FAM169A: variants seen among roughly 807,000 people sequenced by gnomAD.
FAM169A encodes family with sequence similarity 169 member A.
Under a neutral mutation model 75.7 loss-of-function variants are expected in FAM169A, and 24 were observed. The observed-to-expected ratio is 0.32, with a 90% CI of 0.23 to 0.45. The LOEUF is 0.45. Among genes scored for constraint, FAM169A ranks in the 20% least tolerant of loss-of-function variants. FAM169A has a pLI of 1.00. For missense variants in FAM169A, 673 were observed against 784.0 expected, an observed-to-expected ratio of 0.86 and a Z score of 1.69; for synonymous variants, 271 against 271.0, an observed-to-expected ratio of 1.00 and a Z score of 0.00.
At chr5:74,827,725 C>A (rs1266242031) in intron 5 of FAM169A, among the ~76,000 whole-genome samples, 1 of 149,156 alleles carries the variant, frequency 6.7e-6, no homozygotes, top group Non-Finnish European at 1.5e-5. Context: ...TGCAATGGTG[C>A]AATCTCGGTT....
chr5:74,818,930 C>A (rs1747629062), intron 5 of FAM169A, among the ~76,000 whole-genome samples: 1 of 151,862 alleles, frequency 6.6e-6, no homozygotes, highest in African/African-American at 2.4e-5. Flanking sequence ...TTAAAAATGA[C>A]AAACGATGGC....
At chr5:74,854,121 CA>C (rs1055980280) in intron 1 of FAM169A, among the ~76,000 whole-genome samples, 1 of 152,014 alleles carries the variant, frequency 6.6e-6, no homozygotes, top group African/African-American at 2.4e-5. Flanking sequence ...AGGTCAGGCG[CA>C]GTGGCTCACA....
chr5:74,803,024 TAATATGATAAA>T (rs1482473229), intron 8 of FAM169A, among the ~76,000 whole-genome samples: 1 of 152,164 alleles, frequency 6.6e-6, no homozygotes, highest in African/African-American at 2.4e-5. Flanking sequence ...ATAAATAGTT[TAATATGATAAA>T]CATTTCCTTC....
At chr5:74,783,171 G>A in intron 11 of FAM169A, 37 bp from the exon 12 acceptor site, 1 of 1,464,350 alleles carries the variant, frequency 6.8e-7, no homozygotes, top group East Asian at 2.3e-5. Flanking sequence ...GTAAGGACAT[G>A]ATTACAAACT....
chr5:74,845,459 A>G (rs1749105442), intron 1 of FAM169A, among the ~76,000 whole-genome samples: 1 of 152,140 alleles, frequency 6.6e-6, no homozygotes, highest in East Asian at 1.9e-4. Flanking sequence ...TGGAGGTTGC[A>G]GTGAGCCGAG....
intron 6 of FAM169A, among the ~76,000 whole-genome samples, chr5:74,808,093 C>T (rs924259306): frequency 6.6e-6 from 1 of 152,102 alleles, no homozygotes; most frequent in Non-Finnish European, 1.5e-5. Flanking sequence ...ACAGAATTAC[C>T]GTATGACCCA....
chr5:74,814,376 G>T (rs1747363981), intron 5 of FAM169A, among the ~76,000 whole-genome samples: 1 of 151,974 alleles, frequency 6.6e-6, no homozygotes, highest in South Asian at 2.1e-4. Flanking sequence ...TTTCAAATTT[G>T]AAGAGTATTT....
At chr5:74,811,812 A>G (rs1319718304) in intron 6 of FAM169A, among the ~76,000 whole-genome samples, 1 of 152,256 alleles carries the variant, frequency 6.6e-6, no homozygotes, top group African/African-American at 2.4e-5. Context: ...ATACGAATCC[A>G]TATGGATGAA....
At chr5:74,799,362 T>C in intron 10 of FAM169A, 3 of 1,611,524 alleles carry the variant, frequency 1.9e-6, no homozygotes, top group African/African-American at 2.7e-5. Flanking sequence ...TTTCAGTTTG[T>C]TACTTTGAGT....
intron 11 of FAM169A, among the ~76,000 whole-genome samples, chr5:74,791,895 A>G (rs1276532464): frequency 6.6e-6 from 1 of 152,270 alleles, no homozygotes; most frequent in Non-Finnish European, 1.5e-5. Flanking sequence ...TGCAGAAACC[A>G]GGACTGTAAT....
intron 11 of FAM169A, among the ~76,000 whole-genome samples, chr5:74,785,323 GA>G (rs962994826): frequency 2.6e-5 from 4 of 151,476 alleles, no homozygotes; most frequent in African/African-American, 9.7e-5. Flanking sequence ...CGTCTCAAAA[GA>G]AAAAAAAGAA....
intron 1 of FAM169A, among the ~76,000 whole-genome samples, chr5:74,856,814 A>G (rs551068171): frequency 6.6e-5 from 9 of 136,346 alleles, no homozygotes; most frequent in South Asian, 2.2e-4. Context: ...ACATTTTAAG[A>G]AAAAAAAAAA....
chr5:74,807,246 T>TA (rs1417248811), intron 6 of FAM169A, among the ~76,000 whole-genome samples: 2 of 152,158 alleles, frequency 1.3e-5, no homozygotes, highest in Non-Finnish European at 2.9e-5. Context: ...TCTGAACACT[T>TA]ACAGTTCAGA....
chr5:74,826,928 C>T (rs1314654914), intron 5 of FAM169A, among the ~76,000 whole-genome samples: 1 of 152,182 alleles, frequency 6.6e-6, no homozygotes, highest in African/African-American at 2.4e-5. Context: ...TCCTCCATCT[C>T]CCCTTGTCAC....
At chr5:74,789,480 T>C (rs913952933) in intron 11 of FAM169A, among the ~76,000 whole-genome samples, 1 of 152,224 alleles carries the variant, frequency 6.6e-6, no homozygotes, top group Non-Finnish European at 1.5e-5. Flanking sequence ...TTTGGTTGTG[T>C]TACTCCAGCC....
Position 74,841,616 on chromosome 5 carries a change from C to T in FAM169A, c.61G>A (p.Glu21Lys). 4 of 1,613,006 alleles carry T rather than the reference C, an allele frequency of 2.5e-6. 1 individual carries two copies. Among genetic ancestry groups the T allele is most frequent in the Middle Eastern group, 3.3e-4 (2 of 6,056 alleles). Residue 21 changes from glutamate to lysine, a missense_variant, in exon 2 of 13, where the codon GAA (glutamate) becomes AAA (lysine). Glu to Lys is a moderately conservative substitution (Grantham distance 56). This residue lies in a region of FAM169A where 56 missense variants were observed against 52.2 expected (regional missense o/e 1.07). Coordinates refer to ENST00000687041, the MANE Select transcript of FAM169A (RefSeq NM_001376049.1). ...CSHEELENSAEDYMSDLRCGD... is the reference protein window; with the variant it reads ...CSHEELENSAKDYMSDLRCGD... The stretch of plus-strand genomic sequence containing the variant: ...CACCTTAAATCTGACATGTAATCTT[C>T]AGCAGAATTTTCCAATTCCTCATGG...
intron 12 of FAM169A, 94 bp downstream of exon 12, chr5:74,782,836 TA>T: frequency 1.3e-6 from 1 of 783,894 alleles, no homozygotes; most frequent in Non-Finnish European, 2.1e-6. Context: ...ACTGTACATG[TA>T]AAGGTGGAAG....
chr5:74,783,189 T>C, intron 11 of FAM169A, 55 bp from the exon 12 acceptor site: 3 of 1,316,932 alleles, frequency 2.3e-6, no homozygotes, highest in African/African-American at 1.5e-5. Context: ...ACTAACTTAT[T>C]TGTCATGCAT....
intron 11 of FAM169A, among the ~76,000 whole-genome samples, chr5:74,789,655 T>G (rs140821067): frequency 1.1e-3 from 163 of 152,320 alleles, no homozygotes; most frequent in African/African-American, 3.8e-3. Flanking sequence ...AGGGATGCTG[T>G]GAGAAGCCTT....
Sources: gnomAD v4.1 joint callset for allele counts (sites outside exome capture counted in the v4.1 genomes callset) on GRCh38, gnomAD v4.1.1 for gene constraint, gnomAD v4.1.1 regional missense constraint, MANE v1.5 for transcripts, NCBI Gene and HGNC (gene_info 2026-07-23, HGNC 2026-07-21) for gene names.